The following DAW1 variants were observed in gnomAD, a reference collection of about 807,000 sequenced individuals.
DAW1 encodes the protein dynein assembly factor with WD repeats 1.
DAW1 carries 47 observed loss-of-function variants against 56.5 expected under a neutral mutation model. The observed-to-expected ratio is 0.83, with a 90% CI of 0.66 to 1.06. The LOEUF (loss-of-function observed/expected upper bound fraction) is 1.06, where lower values mean the gene tolerates loss of function less well. Among genes scored for constraint, DAW1 ranks in the 50% least tolerant of loss-of-function variants. DAW1 has a pLI of 0.00. For synonymous variants in DAW1, 190 were observed against 179.0 expected, an observed-to-expected ratio of 1.06 and a Z score of -0.49; for missense variants, 505 against 499.3, an observed-to-expected ratio of 1.01 and a Z score of -0.11.
chr2:227,898,323 A>G (rs776863494), intron 6 of DAW1, 42 bp downstream of exon 6: 18 of 1,027,040 alleles, frequency 1.8e-5, no homozygotes, highest in East Asian at 5.0e-5. Context: ...ATGTATATAT[A>G]TATATTATTT....
intron 10 of DAW1, among the ~76,000 whole-genome samples, chr2:227,912,029 GACA>G (rs201597363): frequency 0.034 from 5,160 of 152,062 alleles, 145 homozygotes; most frequent in Middle Eastern, 0.065. Flanking sequence ...ATCCTTTCAT[GACA>G]ACAATATTTG....
chr2:227,894,314 G>T (rs148779959), intron 5 of DAW1, among the ~76,000 whole-genome samples: 2,373 of 152,208 alleles, frequency 0.016, 54 homozygotes, highest in African/African-American at 0.054. Context: ...TACTCGGGAG[G>T]CTGAGGCAGG....
At chr2:227,905,837 C>G (rs1691664292) in intron 8 of DAW1, among the ~76,000 whole-genome samples, 1 of 152,120 alleles carries the variant, frequency 6.6e-6, no homozygotes, top group African/African-American at 2.4e-5. Flanking sequence ...TCACTGCAAG[C>G]TCCGCTTCCT....
intron 11 of DAW1, among the ~76,000 whole-genome samples, chr2:227,920,970 C>A (rs1692092583): frequency 6.6e-6 from 1 of 152,132 alleles, no homozygotes; most frequent in Admixed American, 6.5e-5. Context: ...TGAGCCACCG[C>A]CCCTGGCCCG....
intron 7 of DAW1, among the ~76,000 whole-genome samples, chr2:227,904,622 CCT>C (rs537849546): frequency 1.3e-5 from 2 of 152,132 alleles, no homozygotes; most frequent in Non-Finnish European, 2.9e-5. Flanking sequence ...CCAAATACAA[CCT>C]CTTTCTTTTG....
rs768573652 is a variant in DAW1 at position 227,907,252 on chromosome 2, G to T, written c.973G>T (p.Gly325Ter). 1 of 1,610,212 alleles carries T rather than the reference G, an allele frequency of 6.2e-7. No homozygotes were observed. The highest frequency in any genetic ancestry group is 8.5e-7 in the Non-Finnish European group (1 of 1,177,526). ...GCTTATTGCAACTGCTTCAGCTGAT[G>T]GTAGGTGATCTGTTCATTCTTTTAA... ...GKLIATASAD[G>*]TARIFSAATR... The change falls in exon 10 of 13, where the codon GGA becomes TGA. Residue 325 changes from glycine (G) to a stop codon, truncating the protein, a stop_gained and splice_region_variant. Coordinates refer to ENST00000309931, the MANE Select transcript of DAW1 (RefSeq NM_178821.3). LOFTEE classifies it high-confidence loss of function.
At chr2:227,904,623 CTCTT>C (rs1356605443) in intron 7 of DAW1, among the ~76,000 whole-genome samples, 5 of 152,154 alleles carry the variant, frequency 3.3e-5, no homozygotes, top group African/African-American at 9.7e-5. Context: ...CAAATACAAC[CTCTT>C]TCTTTTGTTT....
chr2:227,894,833 C>A (rs550203419), intron 5 of DAW1, among the ~76,000 whole-genome samples: 2 of 152,202 alleles, frequency 1.3e-5, no homozygotes, highest in African/African-American at 4.8e-5. Flanking sequence ...TGGGCATCCT[C>A]CTCCTGCTGG....
intron 2 of DAW1, among the ~76,000 whole-genome samples, chr2:227,888,441 G>A (rs1046054383): frequency 6.6e-6 from 1 of 152,186 alleles, no homozygotes; most frequent in African/African-American, 2.4e-5. Flanking sequence ...TGAAGAAGGC[G>A]GGACAACAGA....
intron 7 of DAW1, 56 bp downstream of exon 7, chr2:227,903,165 T>C (rs2106203826): frequency 1.9e-6 from 3 of 1,563,218 alleles, no homozygotes; most frequent in South Asian, 2.3e-5. Flanking sequence ...TTTGTGTTTT[T>C]GTTACAAAAT....
intron 1 of DAW1, among the ~76,000 whole-genome samples, chr2:227,873,956 C>G (rs1317693945): frequency 2.0e-5 from 3 of 152,196 alleles, no homozygotes; most frequent in African/African-American, 7.2e-5. Flanking sequence ...GCTGGGATTA[C>G]AGATGTGAGC....
chr2:227,885,844 T>C (rs1691116793), intron 2 of DAW1, among the ~76,000 whole-genome samples: 1 of 152,220 alleles, frequency 6.6e-6, no homozygotes, highest in African/African-American at 2.4e-5. Context: ...AATTCCTTTC[T>C]TCTGTTCCAG....
intron 1 of DAW1, among the ~76,000 whole-genome samples, chr2:227,880,963 G>A (rs1253628490): frequency 2.6e-5 from 4 of 152,188 alleles, no homozygotes; most frequent in Admixed American, 6.5e-5. Context: ...AAGGTGAGAC[G>A]AGAAGAATCT....
intron 1 of DAW1, among the ~76,000 whole-genome samples, chr2:227,881,422 A>G (rs1691006269): frequency 1.3e-5 from 2 of 152,260 alleles, no homozygotes; most frequent in African/African-American, 4.8e-5. Flanking sequence ...TTTTGGGAAT[A>G]TAGGGAAGCA....
At chr2:227,884,068 GT>G (rs1385984567) in intron 1 of DAW1, among the ~76,000 whole-genome samples, 1 of 152,154 alleles carries the variant, frequency 6.6e-6, no homozygotes, top group African/African-American at 2.4e-5. Context: ...GCGCTGGGCT[GT>G]TCGGATGGAA....
chr2:227,924,328 A>G lies in DAW1; in HGVS notation c.*360A>G, dbSNP rs1192905914. On this transcript the variant is annotated 3_prime_UTR_variant, in exon 13 of 13. Coordinates refer to ENST00000309931, the MANE Select transcript of DAW1 (RefSeq NM_178821.3). The stretch of plus-strand genomic sequence containing the variant: ...CCTATTGTTATAATTTCTGTTGAAT[A>G]AAGTGTTTGGAGGAAATTCCTTGTA... The G allele has an allele frequency of 4.0e-6, 1 of 248,640 alleles. No homozygotes were observed. Among genetic ancestry groups the G allele is most frequent in the Non-Finnish European group, 7.8e-6 (1 of 127,956 alleles). 15.4% of individuals were successfully genotyped at this position (248,640 alleles called of 1,614,324 possible). A position where few individuals can be genotyped will look rare whatever the true frequency, so the allele number is the denominator to read the frequency against.
At chr2:227,922,526 C>A (rs1692135887) in intron 12 of DAW1, among the ~76,000 whole-genome samples, 1 of 152,184 alleles carries the variant, frequency 6.6e-6, no homozygotes, top group South Asian at 2.1e-4. Context: ...AAGACCAGAT[C>A]TGCCTAAGTA....
At chr2:227,880,069 C>T (rs1690972807) in intron 1 of DAW1, among the ~76,000 whole-genome samples, 1 of 152,134 alleles carries the variant, frequency 6.6e-6, no homozygotes, top group Admixed American at 6.5e-5. Flanking sequence ...AGAAATGTGT[C>T]TCCTCGTTTA....
At chr2:227,880,092 T>C (rs751944788) in intron 1 of DAW1, among the ~76,000 whole-genome samples, 5 of 152,200 alleles carry the variant, frequency 3.3e-5, no homozygotes, top group Non-Finnish European at 7.4e-5. Context: ...ACAATTTTCT[T>C]TTATATTCAA....
Sources: allele counts gnomAD v4.1 joint callset (sites outside exome capture counted in the v4.1 genomes callset), GRCh38; gene constraint gnomAD v4.1.1; transcripts MANE v1.5; gene names NCBI Gene and HGNC (gene_info 2026-07-23, HGNC 2026-07-21).